The following SNX5 variants were observed in gnomAD, a reference collection of about 807,000 sequenced individuals.
SNX5 encodes the protein sorting nexin 5, also known as sorting nexin-5.
A neutral mutation model predicts 53.9 loss-of-function variants in SNX5; 31 were observed. The ratio of observed to expected loss-of-function variants is 0.58; its 90% CI spans 0.43 to 0.78. The LOEUF (loss-of-function observed/expected upper bound fraction) is 0.78, where lower values mean the gene tolerates loss of function less well. Among genes scored for constraint, SNX5 ranks in the 30% least tolerant of loss-of-function variants. SNX5 has a pLI of 0.00. For missense variants in SNX5, 471 were observed against 478.8 expected, an observed-to-expected ratio of 0.98 and a Z score of 0.15; for synonymous variants, 168 against 171.1, an observed-to-expected ratio of 0.98 and a Z score of 0.14.
chr20:17,961,930 A>G, intron 1 of SNX5: 1 of 983,500 alleles, frequency 1.0e-6, no homozygotes, highest in African/African-American at 1.7e-5. Flanking sequence ...ATAAAATTCA[A>G]AGATGTTCTG....
chr20:17,954,554 G>A (rs937774095), intron 3 of SNX5, among the ~76,000 whole-genome samples: 1 of 152,014 alleles, frequency 6.6e-6, no homozygotes, highest in African/African-American at 2.4e-5. Context: ...TATAAGCTTC[G>A]GTATTAATTT....
chr20:17,954,229 G>A, intron 3 of SNX5, 112 bp from the exon 4 acceptor site: 1 of 1,498,660 alleles, frequency 6.7e-7, no homozygotes, highest in South Asian at 1.4e-5. Context: ...CACTCCTGTG[G>A]GGCTATTTAA....
At chr20:17,957,991 T>C (rs1389834917) in intron 1 of SNX5, among the ~76,000 whole-genome samples, 3 of 132,644 alleles carry the variant, frequency 2.3e-5, no homozygotes, top group Non-Finnish European at 4.7e-5. Flanking sequence ...CCTAACTCCA[T>C]TTCTGCCCGT....
At chr20:17,967,938 C>A (rs528392979) in intron 1 of SNX5, 4 of 397,472 alleles carry the variant, frequency 1.0e-5, no homozygotes, top group African/African-American at 6.2e-5. Context: ...GGGCCCCCCC[C>A]CCAAAAAAGT....
intron 1 of SNX5, among the ~76,000 whole-genome samples, chr20:17,959,315 C>T (rs773909010): frequency 1.3e-5 from 2 of 152,178 alleles, no homozygotes; most frequent in Non-Finnish European, 2.9e-5. Flanking sequence ...CGTCCCTTTC[C>T]CCATGTAGAG....
rs548223667 is a variant in SNX5, at chr20:17,968,769, T to A, written c.-344A>T. The stretch of plus-strand genomic sequence containing the variant: ...CACGGACGGGAAGCAACGGACACTC[T>A]CCCAGCAAGACGCGTCTAGAGAAAG... On this transcript the variant is annotated 5_prime_UTR_variant, in exon 1 of 13. Coordinates refer to ENST00000377759, the MANE Select transcript of SNX5 (RefSeq NM_014426.4). 97 of 334,720 alleles carry A rather than the reference T, an allele frequency of 2.9e-4. No individual in the cohort carries two copies. The highest frequency in any genetic ancestry group is 1.1e-3 in the Admixed American group (22 of 19,946). 20.7% of individuals were successfully genotyped at this position (334,720 alleles called of 1,614,324 possible).
At chr20:17,947,236 G>A (rs1333051685) in intron 11 of SNX5, 4 of 433,112 alleles carry the variant, frequency 9.2e-6, no homozygotes, top group South Asian at 3.2e-5. Flanking sequence ...AAACCACAAC[G>A]TTTTTAGGGC....
chr20:17,965,530 C>T (rs771586337), intron 1 of SNX5, among the ~76,000 whole-genome samples: 4 of 152,004 alleles, frequency 2.6e-5, no homozygotes, highest in Non-Finnish European at 4.4e-5. Context: ...ATTAGGTGGG[C>T]ATGCTGGTGT....
intron 11 of SNX5, chr20:17,944,342 A>G (rs955826068): frequency 6.6e-6 from 1 of 152,152 alleles, no homozygotes; most frequent in African/African-American, 2.4e-5. Context: ...AAAAAATGAA[A>G]GATGTTAATT....
chr20:17,950,344 T>C lies in SNX5; in HGVS notation c.662A>G (p.Asn221Ser), dbSNP rs763312847. ...TTTCACACAAGAATCTTTGATCCTA[T>C]TGTAATAGTTAATAAGGAAGTTCTT... is the stretch of plus-strand genomic sequence containing the variant. ...QEKNFLINYY[N>S]RIKDSCVKAD... The change falls in exon 7 of 13, where the codon AAT becomes AGT. Residue 221 changes from asparagine (N) to serine (S), a missense_variant. Transcript: ENST00000377759. 47 of 1,613,560 alleles carry C rather than the reference T, an allele frequency of 2.9e-5. No homozygotes were observed. Among genetic ancestry groups the C allele is most frequent in the Middle Eastern group, 3.3e-4 (2 of 6,084 alleles).
intron 1 of SNX5, chr20:17,962,621 T>TTCGGGGGAGGGGGGAGGGATAAAAAAAA (rs1268019208): frequency 3.7e-5 from 17 of 461,360 alleles, no homozygotes; most frequent in East Asian, 1.1e-4. Context: ...TAAAGACTTC[T>TTCGGGGGAGGGGGGAGGGATAAAAAAAA]AACAGAAGAT....
In SNX5 at chr20:17,941,623, T is replaced by C. The variant is rs1037067912; in HGVS notation, c.*734A>G. On this transcript the variant is annotated 3_prime_UTR_variant, in exon 13 of 13. Transcript: ENST00000377759. ...CATTAGTAGCACGATTATTTTATTA[T>C]ATGCTTTATAAAAAAACAAACACCC... 4 of 152,148 alleles carry C rather than the reference T, an allele frequency of 2.6e-5. No homozygotes were observed. The highest frequency in any genetic ancestry group is 2.6e-4 in the Admixed American group (4 of 15,260). 9.4% of individuals were successfully genotyped at this position (152,148 alleles called of 1,614,324 possible).
intron 1 of SNX5, chr20:17,967,940 C>CCCA (rs1407724934): frequency 9.9e-5 from 39 of 394,534 alleles, no homozygotes; most frequent in African/African-American, 6.5e-4. Flanking sequence ...GCCCCCCCCC[C>CCCA]AAAAAAGTCT....
At chr20:17,952,261 G>A (rs567647887) in intron 5 of SNX5, among the ~76,000 whole-genome samples, 2 of 152,258 alleles carry the variant, frequency 1.3e-5, no homozygotes, top group Non-Finnish European at 1.5e-5. Context: ...AACAAAAAGC[G>A]TAGGTGGGAA....
chr20:17,968,759 A>G lies in SNX5; in HGVS notation c.-334T>C, dbSNP rs1422440213. ...AGGGCCGCGACACGGACGGGAAGCA[A>G]CGGACACTCTCCCAGCAAGACGCGT... On this transcript the variant is annotated 5_prime_UTR_variant, in exon 1 of 13. Coordinates refer to ENST00000377759, the MANE Select transcript of SNX5 (RefSeq NM_014426.4). 2.8e-6 allele frequency: 1 copy of G among 361,440 alleles called. No individual in the cohort carries two copies. Among genetic ancestry groups the G allele is most frequent in the East Asian group, 5.5e-5 (1 of 18,084 alleles). 22.4% of individuals were successfully genotyped at this position (361,440 alleles called of 1,614,324 possible). A position where few individuals can be genotyped will look rare whatever the true frequency, so the allele number is the denominator to read the frequency against.
intron 8 of SNX5, 126 bp from the exon 9 acceptor site, chr20:17,949,229 A>T: frequency 1.3e-6 from 1 of 753,406 alleles, no homozygotes; most frequent in Non-Finnish European, 2.2e-6. Context: ...GCATTAATTT[A>T]AAAGTAGTGC....
intron 3 of SNX5, 83 bp downstream of exon 3, chr20:17,955,280 TAA>T: frequency 1.1e-6 from 1 of 911,548 alleles, no homozygotes; most frequent in Non-Finnish European, 1.7e-6. Flanking sequence ...CACAATCCAT[TAA>T]AAAAAGTGGA....
chr20:17,959,957 C>T (rs1779061191), intron 1 of SNX5, among the ~76,000 whole-genome samples: 1 of 152,142 alleles, frequency 6.6e-6, no homozygotes, highest in Non-Finnish European at 1.5e-5. Context: ...GCCCTGCTGG[C>T]CAACACTTGA....
chr20:17,951,448 A>G, intron 6 of SNX5, 52 bp downstream of exon 6: 1 of 1,005,342 alleles, frequency 9.9e-7, no homozygotes, highest in South Asian at 1.3e-5. Context: ...ACAAAAGGTC[A>G]CCTATTCCCG....
Sources: gnomAD v4.1 joint callset for allele counts (sites outside exome capture counted in the v4.1 genomes callset) on GRCh38, gnomAD v4.1.1 for gene constraint, MANE v1.5 for transcripts, NCBI Gene and HGNC (gene_info 2026-07-23, HGNC 2026-07-21) for gene names.